Variants in GRIN1 observed in about 807,000 individuals in gnomAD.
The protein encoded by GRIN1 is glutamate receptor ionotropic, NMDA 1.
GRIN1 carries 38 observed loss-of-function variants against 103.0 expected under a neutral mutation model. The ratio of observed to expected loss-of-function variants is 0.37; its 90% CI spans 0.28 to 0.48. GRIN1 has a LOEUF of 0.48. GRIN1 is among the 20% of genes least tolerant of loss of function. The pLI, the probability that GRIN1 is intolerant of heterozygous loss-of-function variation, is 0.98. For missense variants in GRIN1, 577 were observed against 1,288.9 expected (o/e 0.45, Z 8.46); for synonymous variants, 544 against 532.7 (o/e 1.02, Z -0.29).
intron 4 of GRIN1, among the ~76,000 whole-genome samples, chr9:137,152,465 C>T (rs980049948): frequency 2.6e-5 from 4 of 152,180 alleles, no homozygotes; most frequent in Non-Finnish European, 5.9e-5. Flanking sequence ...CTGCCTGATC[C>T]CTACATTCTA....
intron 1 of GRIN1, among the ~76,000 whole-genome samples, chr9:137,141,528 G>A (rs1335617874): frequency 6.6e-6 from 1 of 152,202 alleles, no homozygotes; most frequent in Non-Finnish European, 1.5e-5. Context: ...AAGGGATCTC[G>A]GCCTCTTTGG....
At chr9:137,144,172 C>T (rs1401678620) in intron 2 of GRIN1, among the ~76,000 whole-genome samples, 1 of 152,178 alleles carries the variant, frequency 6.6e-6, no homozygotes, top group Non-Finnish European at 1.5e-5. Flanking sequence ...TGAGCTCACC[C>T]CAGGCACAAT....
rs1463852104 is a variant in GRIN1, at chr9:137,146,772, G to T, written c.570+870G>T. Among the ~76,000 whole-genome samples the T allele has an allele frequency of 6.6e-6, 1 of 152,150 alleles. No homozygotes were observed. Among genetic ancestry groups the T allele is most frequent in the African/African-American group, 2.4e-5 (1 of 41,428 alleles). ...AGGCTGAGGAGGGCCAGACCTATGG[G>T]TGGCTGGGAGCATGTTTCGTGTCAG... On this transcript the variant is annotated intron_variant, in intron 3 of 19. Transcript: ENST00000371561. The surrounding 1 kb of genome is among the most constrained non-coding windows in gnomAD (Gnocchi z 6.7).
chr9:137,139,594 G>T lies in GRIN1; in HGVS notation c.108G>T (p.Arg36=). ...IVNIGAVLST[R]KHEQMFREAV... ...ACATTGGCGCGGTGCTGAGCACGCG[G>T]AAGCACGAGCAGATGTTCCGCGAGG... Residue 36 remains arginine, a synonymous_variant, in exon 1 of 20, where the codon CGG becomes CGT. Coordinates refer to ENST00000371561, the MANE Select transcript of GRIN1 (RefSeq NM_007327.4). The surrounding 1 kb of genome is among the most constrained non-coding windows in gnomAD (Gnocchi z 7.7). 1 of 1,613,650 alleles carries T rather than the reference G, an allele frequency of 6.2e-7. No individual in the cohort carries two copies. The highest frequency in any genetic ancestry group is 8.5e-7 in the Non-Finnish European group (1 of 1,179,994).
Position 137,161,614 on chromosome 9 carries a change from G to A in GRIN1, c.1467+198G>A, listed in dbSNP as rs948938685. 1.0e-4 allele frequency among the ~76,000 whole-genome samples: 15 copies of A among 146,418 alleles called. No homozygotes were observed. In the East Asian group the frequency reaches 1.5e-3, roughly 14 times the overall value. On this transcript the variant is annotated intron_variant, in intron 10 of 19. Coordinates refer to ENST00000371561, the MANE Select transcript of GRIN1 (RefSeq NM_007327.4). ...TGGGCGGGGCCTGAGGGCTGGGTGG[G>A]GCCTGACATGGGAGGGGCCTGACGT...
At chr9:137,158,796 T>C in intron 8 of GRIN1, 92 bp downstream of exon 8, 1 of 935,902 alleles carries the variant, frequency 1.1e-6, no homozygotes, top group South Asian at 1.3e-5. Context: ...GTGAGGTCAA[T>C]GAAAGCCACT....
Position 137,158,517 on chromosome 9 carries a change from C to G in GRIN1, c.1107C>G (p.Gly369=). 6.2e-7 allele frequency: 1 copy of G among 1,612,670 alleles called. No individual in the cohort carries two copies. Among genetic ancestry groups the G allele is most frequent in the Non-Finnish European group, 8.5e-7 (1 of 1,179,612 alleles). The change falls in exon 7 of 20, where the codon GGC becomes GGG. Residue 369 remains glycine (G), a synonymous_variant. Coordinates refer to ENST00000371561, the MANE Select transcript of GRIN1 (RefSeq NM_007327.4). ...TGGTGCAAGTGGGCATCTACAATGG[C>G]ACCCACGTAGGTGGGGGTCATGAGG... ...RKLVQVGIYN[G]THVIPNDRKI...
chr9:137,153,919 C>A (rs141352545), intron 4 of GRIN1, among the ~76,000 whole-genome samples: 3 of 152,100 alleles, frequency 2.0e-5, no homozygotes, highest in Non-Finnish European at 2.9e-5. Flanking sequence ...TCAAGCGATT[C>A]TCCTGCCTCA....
chr9:137,151,407 C>T (rs28469605), intron 4 of GRIN1, among the ~76,000 whole-genome samples: 34,735 of 147,660 alleles, frequency 0.24, 5,113 homozygotes, highest in Non-Finnish European at 0.33. Flanking sequence ...AAGACCCGCC[C>T]AGGGAAAACT....
intron 2 of GRIN1, among the ~76,000 whole-genome samples, chr9:137,143,974 A>T (rs1459832241): frequency 2.6e-5 from 4 of 152,252 alleles, no homozygotes; most frequent in Non-Finnish European, 5.9e-5. Context: ...CAGGGCAAGC[A>T]AGCACCACGC....
At chr9:137,160,997 C>T in intron 8 of GRIN1, 59 bp from the exon 9 acceptor site, 1 of 1,609,702 alleles carries the variant, frequency 6.2e-7, no homozygotes, top group East Asian at 2.2e-5. Context: ...TGAGAAGAGA[C>T]TGCCGCCCTG....
intron 6 of GRIN1, among the ~76,000 whole-genome samples, chr9:137,158,099 A>C (rs1833337529): frequency 6.6e-6 from 1 of 152,214 alleles, no homozygotes; most frequent in South Asian, 2.1e-4. Context: ...GTCCTAACCC[A>C]CAGAAAGCCG....
At chr9:137,149,869 A>C (rs1252513174) in intron 4 of GRIN1, among the ~76,000 whole-genome samples, 1 of 152,218 alleles carries the variant, frequency 6.6e-6, no homozygotes, top group Non-Finnish European at 1.5e-5. Flanking sequence ...AACACAGCCC[A>C]GCCCTCCAGC....
chr9:137,151,722 G>C (rs1000903352), intron 4 of GRIN1, among the ~76,000 whole-genome samples: 1 of 152,184 alleles, frequency 6.6e-6, no homozygotes, highest in Non-Finnish European at 1.5e-5. Context: ...CTGGAGTGCA[G>C]TAGTACAATC....
chr9:137,153,203 CACA>C (rs1833010066), intron 4 of GRIN1, among the ~76,000 whole-genome samples: 1 of 151,842 alleles, frequency 6.6e-6, no homozygotes, highest in African/African-American at 2.4e-5. Context: ...ACAGGTCACA[CACA>C]ACACATACAC....
At position 137,158,401 on chromosome 9, in the gene GRIN1, G is replaced by T; in HGVS notation, c.991G>T (p.Ala331Ser). Residue 331 changes from alanine (A) to serine (S), a missense_variant, in exon 7 of 20, where the codon GCG becomes TCG. Around this residue, in one of 9 missense-constraint regions of GRIN1, gnomAD observed 308 missense variants for 553.6 expected, o/e 0.56. Transcript: ENST00000371561. Reference protein sequence around the residue: ...FKRVLMSSKYADGVTGRVEFN... With the variant: ...FKRVLMSSKYSDGVTGRVEFN... ...TAGAGTGCTGATGTCTTCCAAGTAT[G>T]CGGATGGGGTGACTGGTCGCGTGGA... is the stretch of plus-strand genomic sequence containing the variant. 6.2e-7 allele frequency: 1 copy of T among 1,613,596 alleles called. No homozygotes were observed. The highest frequency in any genetic ancestry group is 1.3e-5 in the African/African-American group (1 of 75,054).
chr9:137,141,081 T>C (rs111470489), intron 1 of GRIN1, among the ~76,000 whole-genome samples: 2 of 152,162 alleles, frequency 1.3e-5, no homozygotes, highest in African/African-American at 2.4e-5. Context: ...CTCACGCCCA[T>C]GTTGCTGTCT....
chr9:137,158,354 G>A (rs1216755579), intron 6 of GRIN1, 25 bp from the exon 7 acceptor site: 3 of 1,612,052 alleles, frequency 1.9e-6, no homozygotes, highest in East Asian at 2.2e-5. Flanking sequence ...TCTCTGAGAA[G>A]CCTCAGCTAT....
Position 137,167,536 on chromosome 9 carries a change from G to T in GRIN1, c.*9G>T, listed in dbSNP as rs1057523226. 2.6e-6 allele frequency: 2 copies of T among 774,050 alleles called. No homozygotes were observed. Among genetic ancestry groups the T allele is most frequent in the South Asian group, 1.4e-5 (1 of 70,254 alleles). 47.9% of individuals were successfully genotyped at this position (774,050 alleles called of 1,614,324 possible). On this transcript the variant is annotated 3_prime_UTR_variant, in exon 20 of 20. Transcript: ENST00000371561. ...GTCATAGGGAGAGCTGAGACTCCCC[G>T]CCCGCCCTCCTCTGCCCCCTCCCCC... is the stretch of plus-strand genomic sequence containing the variant.
Sources: allele counts gnomAD v4.1 joint callset (sites outside exome capture counted in the v4.1 genomes callset), GRCh38; gene constraint gnomAD v4.1.1; regional missense constraint gnomAD v4.1.1; non-coding constraint Gnocchi (gnomAD v3.1); transcripts MANE v1.5; gene names NCBI Gene and HGNC (gene_info 2026-07-23, HGNC 2026-07-21).